The following EPHA6 variants were observed in gnomAD, a reference collection of about 807,000 sequenced individuals.
EPHA6 encodes the protein ephrin type-A receptor 6.
In EPHA6, 50 loss-of-function variants were observed where a neutral mutation model predicts 112.0. The observed-to-expected ratio is 0.45, with a 90% CI of 0.36 to 0.56. EPHA6 has a LOEUF of 0.56. EPHA6 is among the 20% of genes least tolerant of loss of function. The pLI is 0.00. For synonymous variants in EPHA6, 529 were observed against 490.7 expected, an observed-to-expected ratio of 1.08 and a Z score of -1.03; for missense variants, 1,280 against 1,417.4, an observed-to-expected ratio of 0.90 and a Z score of 1.56.
chr3:97,185,781 A>C (rs534273441), intron 3 of EPHA6, among the ~76,000 whole-genome samples: 29 of 152,180 alleles, frequency 1.9e-4, no homozygotes, highest in African/African-American at 6.7e-4. Flanking sequence ...TATTGCGGCA[A>C]TTTTCACAAT....
chr3:97,093,717 A>G (rs982896169), intron 3 of EPHA6, among the ~76,000 whole-genome samples: 1 of 152,112 alleles, frequency 6.6e-6, no homozygotes, highest in African/African-American at 2.4e-5. Context: ...CATGCTCTGT[A>G]TAAGTGGAAT....
intron 3 of EPHA6, among the ~76,000 whole-genome samples, chr3:97,222,929 G>T (rs1242656592): frequency 1.3e-5 from 2 of 152,140 alleles, no homozygotes; most frequent in Non-Finnish European, 2.9e-5. Context: ...AGTCAGAATG[G>T]CCCTCTTAAA....
chr3:97,082,837 T>C (rs1364859259), intron 3 of EPHA6, among the ~76,000 whole-genome samples: 2 of 151,954 alleles, frequency 1.3e-5, no homozygotes, highest in African/African-American at 4.8e-5. Context: ...TTAAATATAT[T>C]CAGTATTGAC....
chr3:97,256,211 A>T (rs1025135851), intron 5 of EPHA6, among the ~76,000 whole-genome samples: 3 of 151,948 alleles, frequency 2.0e-5, no homozygotes, highest in Admixed American at 2.0e-4. Flanking sequence ...ATTTTATTCT[A>T]TATTTTCATA....
In EPHA6 at chr3:97,749,888, C is replaced by T. The variant is rs906993374; in HGVS notation, c.*1187C>T. On this transcript the variant is annotated 3_prime_UTR_variant, in exon 18 of 18. Transcript: ENST00000389672. ...TTCTAAGAAATAAGTATGAATACTC[C>T]AAAGAGCATATAAACAGATCTTACA... Among the ~76,000 whole-genome samples, 3 of 152,064 alleles carry T rather than the reference C, an allele frequency of 2.0e-5. No homozygotes were observed. The highest frequency in any genetic ancestry group is 7.2e-5 in the African/African-American group (3 of 41,408).
At chr3:97,554,582 T>C (rs1223046521) in intron 11 of EPHA6, among the ~76,000 whole-genome samples, 1 of 151,900 alleles carries the variant, frequency 6.6e-6, no homozygotes, top group Non-Finnish European at 1.5e-5. Context: ...GGTGGCCAGG[T>C]TCCTTCTATG....
intron 5 of EPHA6, among the ~76,000 whole-genome samples, chr3:97,307,327 A>G (rs1462955587): frequency 6.6e-6 from 1 of 151,784 alleles, no homozygotes; most frequent in African/African-American, 2.4e-5. Context: ...TTCAAATTCT[A>G]ATCTCACCAC....
chr3:97,454,795 T>C (rs2090630940), intron 7 of EPHA6, among the ~76,000 whole-genome samples: 1 of 151,912 alleles, frequency 6.6e-6, no homozygotes, highest in African/African-American at 2.4e-5. Flanking sequence ...ATTAGCCACA[T>C]CATTATTAAC....
At chr3:97,480,052 T>C (rs1429289733) in intron 9 of EPHA6, among the ~76,000 whole-genome samples, 1 of 152,154 alleles carries the variant, frequency 6.6e-6, no homozygotes, top group Non-Finnish European at 1.5e-5. Context: ...GTAGAGATAA[T>C]ATGCAAGGCA....
At chr3:96,852,645 C>T (rs2035465087) in intron 1 of EPHA6, among the ~76,000 whole-genome samples, 1 of 150,636 alleles carries the variant, frequency 6.6e-6, no homozygotes, top group East Asian at 2.0e-4. Context: ...AAATGGCTTG[C>T]TCCCCTTCAA....
chr3:97,229,927 A>G (rs1467347423), intron 4 of EPHA6, among the ~76,000 whole-genome samples: 1 of 152,140 alleles, frequency 6.6e-6, no homozygotes, highest in Non-Finnish European at 1.5e-5. Flanking sequence ...ATAGCAAAAT[A>G]AAACTTCTTA....
intron 3 of EPHA6, among the ~76,000 whole-genome samples, chr3:97,030,109 C>T (rs532834990): frequency 1.5e-4 from 23 of 152,200 alleles, no homozygotes; most frequent in African/African-American, 5.3e-4. Context: ...TTCAGCTGTG[C>T]AAAAAATATC....
At chr3:97,274,639 G>A (rs2080006702) in intron 5 of EPHA6, among the ~76,000 whole-genome samples, 3 of 152,140 alleles carry the variant, frequency 2.0e-5, no homozygotes, top group Admixed American at 2.0e-4. Context: ...GGGGCAGAGT[G>A]GTAGCCTCAA....
At chr3:97,554,686 C>T (rs1011999767) in intron 11 of EPHA6, among the ~76,000 whole-genome samples, 3 of 151,970 alleles carry the variant, frequency 2.0e-5, no homozygotes, top group African/African-American at 7.2e-5. Context: ...CCTCCAGCCT[C>T]AGGAGGTAGA....
chr3:97,224,623 T>C (rs1034292063), intron 3 of EPHA6, among the ~76,000 whole-genome samples: 8 of 152,190 alleles, frequency 5.3e-5, no homozygotes, highest in Admixed American at 1.3e-4. Flanking sequence ...AGGTTCTATA[T>C]ATGTACATGT....
chr3:97,004,778 T>C (rs1272103254), intron 3 of EPHA6, among the ~76,000 whole-genome samples: 1 of 152,224 alleles, frequency 6.6e-6, no homozygotes, highest in Non-Finnish European at 1.5e-5. Context: ...TTTTTGGTTT[T>C]ACATTTAAGT....
chr3:97,317,923 G>T lies in EPHA6; in HGVS notation c.1606+73636G>T, dbSNP rs573772629. On this transcript the variant is annotated intron_variant, in intron 5 of 17. Coordinates refer to ENST00000389672, the MANE Select transcript of EPHA6 (RefSeq NM_001080448.3). ...GTGTTAAGTGGAAAGGGGACTAGAGGATTACATTTGCTTTGCCAGTGGGGA... is the reference window on the plus strand; with the variant it reads ...GTGTTAAGTGGAAAGGGGACTAGAGTATTACATTTGCTTTGCCAGTGGGGA... 2.6e-5 allele frequency among the ~76,000 whole-genome samples: 4 copies of T among 151,904 alleles called. 1 individual carries two copies. Among genetic ancestry groups the T allele is most frequent in the African/African-American group, 9.7e-5 (4 of 41,316 alleles).
intron 3 of EPHA6, among the ~76,000 whole-genome samples, chr3:96,994,732 T>TATAGAGAGAGAGAGAGAG (rs1170197805): frequency 3.6e-5 from 3 of 82,192 alleles, no homozygotes; most frequent in African/African-American, 1.3e-4. Flanking sequence ...TATATATATA[T>TATAGAGAGAGAGAGAGAG]AGAGAGAGAG....
intron 2 of EPHA6, among the ~76,000 whole-genome samples, chr3:96,982,402 G>A (rs572872396): frequency 1.3e-5 from 2 of 152,282 alleles, no homozygotes; most frequent in South Asian, 4.1e-4. Flanking sequence ...TAGTTTGATT[G>A]CACTGTGGTC....
Sources: allele counts gnomAD v4.1 joint callset (sites outside exome capture counted in the v4.1 genomes callset), GRCh38; gene constraint gnomAD v4.1.1; transcripts MANE v1.5; gene names NCBI Gene and HGNC (gene_info 2026-07-23, HGNC 2026-07-21).